Variants in APPBP2 observed in about 807,000 individuals in gnomAD.
The protein encoded by APPBP2 is amyloid protein-binding protein 2.
APPBP2 carries 15 observed loss-of-function variants against 76.0 expected under a neutral mutation model. The observed-to-expected ratio is 0.20, with a 90% CI of 0.13 to 0.30. The LOEUF (loss-of-function observed/expected upper bound fraction) is 0.30. Ranked by LOEUF, APPBP2 falls within the 10% of genes least tolerant of loss-of-function variation. The pLI is 1.00. For missense variants in APPBP2, 401 were observed against 687.2 expected, an observed-to-expected ratio of 0.58 and a Z score of 4.66; for synonymous variants, 222 against 242.2, an observed-to-expected ratio of 0.92 and a Z score of 0.77.
At position 60,443,415 on chromosome 17, in the gene APPBP2, TGTTA is replaced by T. The variant is rs2090317893; in HGVS notation, c.*4162_*4165del. On this transcript the variant is annotated 3_prime_UTR_variant, in exon 13 of 13. Coordinates refer to ENST00000083182, the MANE Select transcript of APPBP2 (RefSeq NM_006380.5). ...TTAGTGGGGATTTTCACGTAAAGAT[TGTTA>T]GTGTTTTGTTTTTAACTGTTCCATT... 1 of 152,666 alleles carries T rather than the reference TGTTA, an allele frequency of 6.6e-6. No individual in the cohort carries two copies. The highest frequency in any genetic ancestry group is 1.5e-5 in the Non-Finnish European group (1 of 68,040). 9.5% of individuals were successfully genotyped at this position (152,666 alleles called of 1,614,324 possible).
chr17:60,450,766 T>C (rs914547631), intron 12 of APPBP2, among the ~76,000 whole-genome samples: 1 of 144,380 alleles, frequency 6.9e-6, no homozygotes, highest in African/African-American at 2.6e-5. Context: ...AGTAAGATCC[T>C]GTCTCAAAAA....
At chr17:60,499,345 A>AC (rs1000861000) in intron 2 of APPBP2, among the ~76,000 whole-genome samples, 11 of 152,026 alleles carry the variant, frequency 7.2e-5, no homozygotes, top group Non-Finnish European at 1.5e-4. Flanking sequence ...AAAAAAAAAA[A>AC]ATATGGAAAA....
chr17:60,523,451 C>T (rs1005222418), intron 1 of APPBP2, among the ~76,000 whole-genome samples: 69 of 151,906 alleles, frequency 4.5e-4, no homozygotes, highest in Non-Finnish European at 2.2e-4. Flanking sequence ...GAGCTATGAT[C>T]ACAACTGCAC....
Position 60,461,843 on chromosome 17 carries a change from T to C in APPBP2, c.903A>G (p.Val301=). The change falls in exon 8 of 13, where the codon GTA becomes GTG. Residue 301 remains valine, a synonymous_variant. Transcript: ENST00000083182. ...TTGCAACAGACTGACAGATATTATCTACATTGAGTAAGTAGAACCCATAAT... is the reference window on the plus strand; with the variant it reads ...TTGCAACAGACTGACAGATATTATCCACATTGAGTAAGTAGAACCCATAAT... ...LLDYGFYLLN[V]DNICQSVAIY... 1 of 1,611,446 alleles carries C rather than the reference T, an allele frequency of 6.2e-7. No homozygotes were observed. The highest frequency in any genetic ancestry group is 8.5e-7 in the Non-Finnish European group (1 of 1,179,066).
chr17:60,525,646 C>T, intron 1 of APPBP2, 148 bp downstream of exon 1: 1 of 1,243,470 alleles, frequency 8.0e-7, no homozygotes, highest in Non-Finnish European at 1.1e-6. Flanking sequence ...TGCTTCTCCA[C>T]TGGCAATGCA....
At chr17:60,497,332 T>C (rs543167385) in intron 2 of APPBP2, among the ~76,000 whole-genome samples, 8 of 151,970 alleles carry the variant, frequency 5.3e-5, no homozygotes, top group African/African-American at 1.9e-4. Flanking sequence ...AGGAGAAGGA[T>C]GGTTACCAGA....
At position 60,444,209 on chromosome 17, in the gene APPBP2, G is replaced by T. The variant is rs2090326926; in HGVS notation, c.*3372C>A. ...AGTACACATCCACTTCTAAAGCAAA[G>T]ATAAAACCCCAAAAACTTTGTACTT... On this transcript the variant is annotated 3_prime_UTR_variant, in exon 13 of 13. Transcript: ENST00000083182. 1 of 151,924 alleles carries T rather than the reference G, an allele frequency of 6.6e-6. No homozygotes were observed. The allele number at this position is 151,924 out of a possible 1,614,324, so 9.4% of individuals were successfully genotyped here.
intron 2 of APPBP2, among the ~76,000 whole-genome samples, chr17:60,499,813 C>T (rs1468601188): frequency 6.6e-6 from 1 of 152,012 alleles, no homozygotes; most frequent in Non-Finnish European, 1.5e-5. Flanking sequence ...ACAATACACA[C>T]AAAAGGATAA....
chr17:60,449,552 C>T (rs919332489), intron 12 of APPBP2, among the ~76,000 whole-genome samples: 8 of 152,170 alleles, frequency 5.3e-5, no homozygotes, highest in Non-Finnish European at 5.9e-5. Context: ...GCTAAGACCA[C>T]GCCACTGCAT....
chr17:60,508,459 G>A (rs1477718300), intron 1 of APPBP2, among the ~76,000 whole-genome samples: 2 of 152,214 alleles, frequency 1.3e-5, no homozygotes, highest in East Asian at 3.9e-4. Context: ...AAACTCCACA[G>A]TTGCCAAAAA....
chr17:60,465,293 T>A (rs2090502734), intron 5 of APPBP2: 1 of 152,174 alleles, frequency 6.6e-6, no homozygotes, highest in Non-Finnish European at 1.5e-5. Context: ...AGGGATATAT[T>A]ATGAGCCAGA....
intron 3 of APPBP2, among the ~76,000 whole-genome samples, chr17:60,480,468 A>G (rs907359186): frequency 2.6e-5 from 4 of 152,212 alleles, no homozygotes; most frequent in Non-Finnish European, 5.9e-5. Flanking sequence ...CACACAAAAA[A>G]TATGGTGTCT....
chr17:60,488,142 G>C (rs2090696047), intron 3 of APPBP2, among the ~76,000 whole-genome samples: 2 of 152,180 alleles, frequency 1.3e-5, no homozygotes, highest in Admixed American at 1.3e-4. Flanking sequence ...CCCCTACTGG[G>C]AGGTGTCTCA....
Position 60,445,470 on chromosome 17 carries a change from T to C in APPBP2, c.*2111A>G, listed in dbSNP as rs2090338419. ...GAAAAAAAAACTTCATATGGAAACA[T>C]GTTTCAAAATATTTATTGAAAAACA... is the stretch of plus-strand genomic sequence containing the variant. On this transcript the variant is annotated 3_prime_UTR_variant, in exon 13 of 13. Transcript: ENST00000083182. The C allele has an allele frequency of 1.3e-5, 2 of 152,564 alleles. 1 individual carries two copies. Among genetic ancestry groups the C allele is most frequent in the South Asian group, 4.1e-4 (2 of 4,826 alleles). The allele number at this position is 152,564 out of a possible 1,614,324, so 9.5% of individuals were successfully genotyped here. A position where few individuals can be genotyped will look rare whatever the true frequency, so the allele number is the denominator to read the frequency against.
At chr17:60,502,263 C>T (rs1250471560) in intron 1 of APPBP2, among the ~76,000 whole-genome samples, 2 of 152,138 alleles carry the variant, frequency 1.3e-5, no homozygotes, top group Non-Finnish European at 2.9e-5. Flanking sequence ...CTGTTTTCTG[C>T]TATAGAAAAG....
chr17:60,445,101 T>C lies in APPBP2; in HGVS notation c.*2480A>G, dbSNP rs2090335242. On this transcript the variant is annotated 3_prime_UTR_variant, in exon 13 of 13. Coordinates refer to ENST00000083182, the MANE Select transcript of APPBP2 (RefSeq NM_006380.5). Reference sequence around the variant, plus strand: ...TAAAGTCATAGGGTATTATTCTTCATTAGAACCAGAAATAATAGCACATTA... The same window carrying C: ...TAAAGTCATAGGGTATTATTCTTCACTAGAACCAGAAATAATAGCACATTA... 6.6e-6 allele frequency: 1 copy of C among 152,220 alleles called. No individual in the cohort carries two copies. The highest frequency in any genetic ancestry group is 2.4e-5 in the African/African-American group (1 of 41,456). The allele number at this position is 152,220 out of a possible 1,614,324, so 9.4% of individuals were successfully genotyped here.
At chr17:60,490,158 G>A (rs527502751) in intron 3 of APPBP2, among the ~76,000 whole-genome samples, 212 of 152,240 alleles carry the variant, frequency 1.4e-3, no homozygotes, top group African/African-American at 4.9e-3. Context: ...GGAATCCACC[G>A]CACAGACACA....
At chr17:60,476,272 C>T (rs1468627134) in intron 4 of APPBP2, among the ~76,000 whole-genome samples, 1 of 152,110 alleles carries the variant, frequency 6.6e-6, no homozygotes, top group Non-Finnish European at 1.5e-5. Flanking sequence ...ATGTTAGCCC[C>T]ATATTAGAAA....
intron 1 of APPBP2, among the ~76,000 whole-genome samples, chr17:60,502,088 C>CT (rs2090827820): frequency 6.6e-6 from 1 of 152,166 alleles, no homozygotes; most frequent in Non-Finnish European, 1.5e-5. Flanking sequence ...TGGTCTTACT[C>CT]TGTCATCCAG....
Sources: gnomAD v4.1 joint callset for allele counts (sites outside exome capture counted in the v4.1 genomes callset) on GRCh38, gnomAD v4.1.1 for gene constraint, MANE v1.5 for transcripts, NCBI Gene and HGNC (gene_info 2026-07-23, HGNC 2026-07-21) for gene names.